The following DCC variants were observed in gnomAD, a reference collection of about 807,000 sequenced individuals.
The protein encoded by DCC is DCC netrin 1 receptor.
Under a neutral mutation model 172.5 loss-of-function variants are expected in DCC, and 58 were observed. The ratio of observed to expected loss-of-function variants is 0.34; its 90% CI spans 0.27 to 0.42. The LOEUF is 0.42. Among genes scored for constraint, DCC ranks in the 10% least tolerant of loss-of-function variants. DCC has a pLI of 1.00. For synonymous variants in DCC, 709 were observed against 644.5 expected (o/e 1.10, Z -1.52); for missense variants, 1,740 against 1,791.0 (o/e 0.97, Z 0.51).
Position 53,535,630 on chromosome 18 carries a change from T to C in DCC, c.*4977T>C, listed in dbSNP as rs576743545. On this transcript the variant is annotated 3_prime_UTR_variant, in exon 29 of 29. Coordinates refer to ENST00000442544, the MANE Select transcript of DCC (RefSeq NM_005215.4). ...TTTTAACAAAAAGGTATTTTGAGCC[T>C]ACAAAAAGTTTCTTTAAACTGTCAG... The C allele has an allele frequency of 1.3e-5, 2 of 152,136 alleles. No individual in the cohort carries two copies. Among genetic ancestry groups the C allele is most frequent in the Non-Finnish European group, 1.5e-5 (1 of 68,022 alleles). The allele number at this position is 152,136 out of a possible 1,614,324, so 9.4% of individuals were successfully genotyped here.
At chr18:52,812,986 G>T (rs1204414337) in intron 2 of DCC, among the ~76,000 whole-genome samples, 1 of 152,202 alleles carries the variant, frequency 6.6e-6, no homozygotes, top group East Asian at 1.9e-4. Flanking sequence ...TATTCAGTGA[G>T]CTGATCCACT....
At chr18:53,165,393 G>A (rs2054902337) in intron 8 of DCC, among the ~76,000 whole-genome samples, 1 of 152,112 alleles carries the variant, frequency 6.6e-6, no homozygotes, top group Non-Finnish European at 1.5e-5. Context: ...TTTTTGATGT[G>A]GTGTTTACAT....
chr18:53,480,924 A>G (rs893530828), intron 25 of DCC: 1 of 152,148 alleles, frequency 6.6e-6, no homozygotes. Context: ...CAGAGCTTCA[A>G]GTTGTTTCAT....
intron 1 of DCC, among the ~76,000 whole-genome samples, chr18:52,552,900 A>G (rs1454326435): frequency 1.3e-5 from 2 of 152,124 alleles, no homozygotes; most frequent in African/African-American, 4.8e-5. Flanking sequence ...AATAGCACAT[A>G]CACCAAAAAA....
intron 25 of DCC, among the ~76,000 whole-genome samples, chr18:53,480,122 G>T (rs2045814457): frequency 6.6e-6 from 1 of 152,108 alleles, no homozygotes; most frequent in Non-Finnish European, 1.5e-5. Context: ...ATATATCTGG[G>T]CTTCATAGAC....
intron 8 of DCC, among the ~76,000 whole-genome samples, chr18:53,163,392 G>T (rs2054872155): frequency 6.6e-6 from 1 of 152,020 alleles, no homozygotes; most frequent in Admixed American, 6.6e-5. Context: ...CATTTACTTT[G>T]ATTTTTCTGG....
chr18:53,211,155 C>A (rs1190865139), intron 11 of DCC, among the ~76,000 whole-genome samples: 1 of 151,958 alleles, frequency 6.6e-6, no homozygotes, highest in Non-Finnish European at 1.5e-5. Context: ...TAAGAATGTG[C>A]TTATTATTTT....
At chr18:52,595,389 C>G (rs1213731018) in intron 1 of DCC, among the ~76,000 whole-genome samples, 1 of 152,090 alleles carries the variant, frequency 6.6e-6, no homozygotes, top group African/African-American at 2.4e-5. Flanking sequence ...ACACTCTGTT[C>G]CTCATTATAA....
chr18:53,215,729 A>G, intron 12 of DCC, 132 bp downstream of exon 12: 1 of 772,156 alleles, frequency 1.3e-6, no homozygotes, highest in East Asian at 2.5e-5. Flanking sequence ...GGAACAACAC[A>G]GCAAGTGACA....
intron 2 of DCC, among the ~76,000 whole-genome samples, chr18:52,806,717 C>T (rs192859140): frequency 1.1e-4 from 17 of 152,182 alleles, no homozygotes; most frequent in South Asian, 2.1e-4. Context: ...TGGCTTCTTC[C>T]GGTTGTCATG....
intron 2 of DCC, among the ~76,000 whole-genome samples, chr18:52,847,919 C>T (rs1461307209): frequency 2.0e-5 from 3 of 152,114 alleles, no homozygotes; most frequent in South Asian, 2.1e-4. Flanking sequence ...CTGGTTTCTC[C>T]AGTTTTGGTA....
At chr18:52,800,840 A>G (rs946755012) in intron 2 of DCC, among the ~76,000 whole-genome samples, 1 of 152,160 alleles carries the variant, frequency 6.6e-6, no homozygotes, top group African/African-American at 2.4e-5. Context: ...GTGGCTTAAA[A>G]CATCTATTTA....
chr18:52,855,122 C>T (rs2039032569), intron 2 of DCC, among the ~76,000 whole-genome samples: 2 of 152,198 alleles, frequency 1.3e-5, no homozygotes, highest in South Asian at 2.1e-4. Context: ...TGTGAATAGC[C>T]TAACCATCCT....
intron 5 of DCC, among the ~76,000 whole-genome samples, chr18:52,954,609 T>G (rs1253808826): frequency 6.6e-6 from 1 of 152,180 alleles, no homozygotes; most frequent in Non-Finnish European, 1.5e-5. Context: ...GATCTTGGAA[T>G]CTACAAGGCA....
intron 2 of DCC, among the ~76,000 whole-genome samples, chr18:52,795,276 G>T (rs62083273): frequency 6.6e-6 from 1 of 151,838 alleles, no homozygotes; most frequent in African/African-American, 2.4e-5. Flanking sequence ...TTATTGGGAC[G>T]CACCTGATTT....
chr18:53,225,121 A>G (rs944144278), intron 12 of DCC, among the ~76,000 whole-genome samples: 1 of 152,164 alleles, frequency 6.6e-6, no homozygotes, highest in African/African-American at 2.4e-5. Context: ...TAACTATGTC[A>G]TATACTAATG....
rs190491895 is a variant in DCC at position 52,593,134 on chromosome 18, G to T, written c.92-158920G>T. On this transcript the variant is annotated intron_variant, in intron 1 of 28. Coordinates refer to ENST00000442544, the MANE Select transcript of DCC (RefSeq NM_005215.4). ...TTGTATGTATTTACATCATCTTCTG[G>T]GATTTTTTTTCTCTCCCTGCAGTGT... Among the ~76,000 whole-genome samples, 35 of 152,136 alleles carry T rather than the reference G, an allele frequency of 2.3e-4. 1 individual carries two copies. Among genetic ancestry groups the T allele is most frequent in the African/African-American group, 7.7e-4 (32 of 41,484 alleles).
At chr18:53,183,766 A>G (rs1354618649) in intron 9 of DCC, among the ~76,000 whole-genome samples, 1 of 152,046 alleles carries the variant, frequency 6.6e-6, no homozygotes, top group Non-Finnish European at 1.5e-5. Context: ...CTCCTTCATG[A>G]GATTTTAAAA....
At chr18:53,334,377 A>G (rs1568063161) in intron 14 of DCC, among the ~76,000 whole-genome samples, 1 of 151,952 alleles carries the variant, frequency 6.6e-6, no homozygotes, top group Non-Finnish European at 1.5e-5. Context: ...TAAGTGACTC[A>G]CTCTTTTTTT....
Sources: gnomAD v4.1 joint callset for allele counts (sites outside exome capture counted in the v4.1 genomes callset) on GRCh38, gnomAD v4.1.1 for gene constraint, MANE v1.5 for transcripts, NCBI Gene and HGNC (gene_info 2026-07-23, HGNC 2026-07-21) for gene names.